The following LTBP1 variants were observed in gnomAD, a reference collection of about 807,000 sequenced individuals.
LTBP1 encodes the protein latent-transforming growth factor beta-binding protein 1.
Under a neutral mutation model 207.6 loss-of-function variants are expected in LTBP1, and 129 were observed. The ratio of observed to expected loss-of-function variants is 0.62; its 90% CI spans 0.54 to 0.72. LTBP1 has a LOEUF of 0.72. Among genes scored for constraint, LTBP1 ranks in the 30% least tolerant of loss-of-function variants. The pLI is 0.00. For synonymous variants in LTBP1, 963 were observed against 833.7 expected (o/e 1.16, Z -2.67); for missense variants, 2,281 against 2,217.2 (o/e 1.03, Z -0.58).
intron 7 of LTBP1, among the ~76,000 whole-genome samples, chr2:33,202,318 A>T (rs1394243266): frequency 3.9e-5 from 6 of 152,102 alleles, no homozygotes; most frequent in Non-Finnish European, 8.8e-5. Context: ...ATGCCTGCCA[A>T]CTCCACATGG....
intron 2 of LTBP1, among the ~76,000 whole-genome samples, chr2:33,015,117 G>A (rs1688195751): frequency 6.6e-6 from 1 of 151,652 alleles, no homozygotes; most frequent in South Asian, 2.1e-4. Context: ...CTTTGACCTT[G>A]ACCAGTTTGC....
intron 9 of LTBP1, among the ~76,000 whole-genome samples, chr2:33,237,655 C>A (rs892063294): frequency 6.6e-6 from 1 of 152,206 alleles, no homozygotes; most frequent in African/African-American, 2.4e-5. Flanking sequence ...AAAGCCAGAT[C>A]TTCTTATGAA....
intron 2 of LTBP1, among the ~76,000 whole-genome samples, chr2:32,962,753 C>T (rs892900244): frequency 2.6e-5 from 4 of 152,268 alleles, no homozygotes; most frequent in Admixed American, 2.6e-4. Flanking sequence ...AATGGCACCT[C>T]ACAGACACTT....
chr2:32,978,371 T>C (rs1231542856), intron 2 of LTBP1, among the ~76,000 whole-genome samples: 1 of 152,138 alleles, frequency 6.6e-6, no homozygotes, highest in Non-Finnish European at 1.5e-5. Context: ...CTCAGGTATG[T>C]TTTTTTCTAT....
At chr2:33,032,855 G>A (rs2075750380) in intron 3 of LTBP1, among the ~76,000 whole-genome samples, 1 of 152,116 alleles carries the variant, frequency 6.6e-6, no homozygotes, top group African/African-American at 2.4e-5. Flanking sequence ...GCCTTTCACA[G>A]AATCAGAAAT....
chr2:33,274,199 A>G (rs2093378253), intron 16 of LTBP1, among the ~76,000 whole-genome samples: 1 of 152,154 alleles, frequency 6.6e-6, no homozygotes, highest in Admixed American at 6.5e-5. Flanking sequence ...AAATCCATAT[A>G]TGCTGGCCTG....
intron 2 of LTBP1, among the ~76,000 whole-genome samples, chr2:32,973,560 C>A (rs1224026747): frequency 6.6e-6 from 1 of 152,098 alleles, no homozygotes; most frequent in African/African-American, 2.4e-5. Context: ...GGCATCTTTC[C>A]CTACAAGGAC....
intron 3 of LTBP1, among the ~76,000 whole-genome samples, chr2:33,048,195 G>A (rs981187309): frequency 6.6e-6 from 1 of 152,166 alleles, no homozygotes; most frequent in Non-Finnish European, 1.5e-5. Flanking sequence ...AGGATTTCAG[G>A]CAGTGACTGG....
At chr2:33,102,520 A>AT (rs990329386) in intron 3 of LTBP1, among the ~76,000 whole-genome samples, 19 of 152,148 alleles carry the variant, frequency 1.2e-4, no homozygotes, top group Admixed American at 1.2e-3. Flanking sequence ...TATTTTCTAT[A>AT]TTTTTTCCCT....
chr2:33,386,129 G>A (rs1171675743), intron 31 of LTBP1, among the ~76,000 whole-genome samples: 1 of 152,116 alleles, frequency 6.6e-6, no homozygotes, highest in African/African-American at 2.4e-5. Flanking sequence ...AAACAACTTA[G>A]TTTTCTTTCT....
At chr2:33,232,438 C>T (rs2091842229) in intron 9 of LTBP1, among the ~76,000 whole-genome samples, 2 of 152,114 alleles carry the variant, frequency 1.3e-5, no homozygotes, top group African/African-American at 4.8e-5. Context: ...GGATTTGTGG[C>T]TTAGACCAGA....
rs745990782 is a variant in LTBP1, at chr2:33,342,971, T to C, written c.3856+8T>C. The C allele has an allele frequency of 1.2e-6, 2 of 1,606,718 alleles. No individual in the cohort carries two copies. Among genetic ancestry groups the C allele is most frequent in the Non-Finnish European group, 1.7e-6 (2 of 1,176,346 alleles). On this transcript the variant is annotated splice_region_variant and intron_variant, in intron 25 of 33. Coordinates refer to ENST00000404816, the MANE Select transcript of LTBP1 (RefSeq NM_206943.4). Reference sequence around the variant, plus strand: ...ATGGGCAAGGGTGTGTGGGTGAGTTTTTAGATTTTTTCCCAACGTGTTTCA... The same window carrying C: ...ATGGGCAAGGGTGTGTGGGTGAGTTCTTAGATTTTTTCCCAACGTGTTTCA...
At chr2:33,250,436 A>G (rs1372644328) in intron 10 of LTBP1, among the ~76,000 whole-genome samples, 1 of 152,196 alleles carries the variant, frequency 6.6e-6, no homozygotes, top group East Asian at 1.9e-4. Context: ...ATCATCTAAC[A>G]GAGAACACTG....
At chr2:33,327,509 G>A (rs909916235) in intron 24 of LTBP1, among the ~76,000 whole-genome samples, 1 of 152,028 alleles carries the variant, frequency 6.6e-6, no homozygotes, top group South Asian at 2.1e-4. Context: ...ATGGAGTTGA[G>A]TTTTTAAGGA....
chr2:33,336,701 T>A (rs1372854407), intron 24 of LTBP1, among the ~76,000 whole-genome samples: 2 of 152,056 alleles, frequency 1.3e-5, no homozygotes, highest in Non-Finnish European at 2.9e-5. Flanking sequence ...GTGAGCTGCT[T>A]CCCCTAATAG....
intron 2 of LTBP1, among the ~76,000 whole-genome samples, chr2:33,006,247 A>C (rs1686848733): frequency 6.6e-6 from 1 of 152,074 alleles, no homozygotes. Flanking sequence ...ATTTAAATTT[A>C]TATTTGTTTA....
chr2:33,361,561 C>T (rs2094927608), intron 28 of LTBP1, 46 bp downstream of exon 28: 4 of 1,344,902 alleles, frequency 3.0e-6, no homozygotes, highest in Non-Finnish European at 4.2e-6. Context: ...GTGTACATGT[C>T]AGATATTCAA....
intron 5 of LTBP1, among the ~76,000 whole-genome samples, chr2:33,146,617 G>A (rs570526872): frequency 6.6e-6 from 1 of 152,286 alleles, no homozygotes; most frequent in South Asian, 2.1e-4. Flanking sequence ...GAGGTTTAAG[G>A]AACTCACAGT....
intron 2 of LTBP1, among the ~76,000 whole-genome samples, chr2:32,951,467 A>G (rs1677092429): frequency 6.6e-6 from 1 of 152,200 alleles, no homozygotes; most frequent in Non-Finnish European, 1.5e-5. Context: ...AGAGCCTTCT[A>G]CCTTCAGATG....
Sources: gnomAD v4.1 joint callset for allele counts (sites outside exome capture counted in the v4.1 genomes callset) on GRCh38, gnomAD v4.1.1 for gene constraint, MANE v1.5 for transcripts, NCBI Gene and HGNC (gene_info 2026-07-23, HGNC 2026-07-21) for gene names.